Variants in MACROH2A1 observed in about 807,000 individuals in gnomAD.
The protein encoded by MACROH2A1 is macroH2A.1 histone, also known as core histone macro-H2A.1.
Under a neutral mutation model 31.6 loss-of-function variants are expected in MACROH2A1, and 2 were observed. The observed-to-expected ratio is 0.06, with a 90% CI of 0.03 to 0.20. The LOEUF is 0.20. Ranked by LOEUF, MACROH2A1 falls within the 10% of genes least tolerant of loss-of-function variation. MACROH2A1 has a pLI of 1.00. For synonymous variants in MACROH2A1, 169 were observed against 189.6 expected, an observed-to-expected ratio of 0.89 and a Z score of 0.89; for missense variants, 230 against 474.0, an observed-to-expected ratio of 0.49 and a Z score of 4.78.
At position 135,346,068 on chromosome 5, in the gene MACROH2A1, A is replaced by G. The variant is rs944014626; in HGVS notation, c.689-11T>C. On this transcript the variant is annotated splice_polypyrimidine_tract_variant and intron_variant, in intron 6 of 8. Coordinates refer to ENST00000511689, the MANE Select transcript of MACROH2A1 (RefSeq NM_138610.3). Reference sequence around the variant, plus strand: ...TCTCCAGCGTGTTTCCTAGACAAGGACAGGGTGGGGTCAGGTTGCCATTCT... The same window carrying G: ...TCTCCAGCGTGTTTCCTAGACAAGGGCAGGGTGGGGTCAGGTTGCCATTCT... The G allele has an allele frequency of 3.1e-6, 5 of 1,597,092 alleles. No individual in the cohort carries two copies. In the African/African-American group the frequency reaches 6.7e-5, roughly 21 times the overall value.
At chr5:135,379,541 A>C (rs542545580) in intron 2 of MACROH2A1, among the ~76,000 whole-genome samples, 7 of 152,102 alleles carry the variant, frequency 4.6e-5, no homozygotes, top group Non-Finnish European at 1.0e-4. Flanking sequence ...TTCTTGCTAG[A>C]GTTTATTTAT....
chr5:135,350,805 C>T, intron 6 of MACROH2A1: 1 of 1,535,668 alleles, frequency 6.5e-7, no homozygotes, highest in Non-Finnish European at 9.0e-7. Flanking sequence ...CACTCGGCAG[C>T]ACCCGGCTAG....
At chr5:135,368,000 C>A (rs1328920549) in intron 4 of MACROH2A1, among the ~76,000 whole-genome samples, 1 of 152,188 alleles carries the variant, frequency 6.6e-6, no homozygotes, top group East Asian at 1.9e-4. Flanking sequence ...AAGCCTCTTC[C>A]AGGACTTGTG....
Position 135,392,202 on chromosome 5 carries a change from A to G in MACROH2A1, c.-33-3076T>C, listed in dbSNP as rs200009312. 3.7e-4 allele frequency among the ~76,000 whole-genome samples: 57 copies of G among 152,258 alleles called. No individual in the cohort carries two copies. In the East Asian group the frequency reaches 6.8e-3, roughly 18 times the overall value. ...ACAGCCTGGAATTGCTCACTGCTCC[A>G]TGTTCCCATAGTATATATATCCCAG... On this transcript the variant is annotated intron_variant, in intron 1 of 8. Transcript: ENST00000511689.
At chr5:135,356,350 G>T (rs151051305) in intron 5 of MACROH2A1, 1 of 152,248 alleles carries the variant, frequency 6.6e-6, no homozygotes, top group Admixed American at 6.5e-5. Flanking sequence ...TCCCTGTGGT[G>T]AGGATGTCCG....
chr5:135,350,400 C>T (rs1761376987), intron 6 of MACROH2A1, among the ~76,000 whole-genome samples: 1 of 151,828 alleles, frequency 6.6e-6, no homozygotes, highest in South Asian at 2.1e-4. Context: ...TGGCGGGGGT[C>T]AGGGGAGTGG....
intron 1 of MACROH2A1, among the ~76,000 whole-genome samples, chr5:135,393,044 T>C (rs1231544914): frequency 6.6e-6 from 1 of 152,190 alleles, no homozygotes; most frequent in Non-Finnish European, 1.5e-5. Context: ...GCTGAAGACA[T>C]TGCTAGCTGC....
intron 6 of MACROH2A1, among the ~76,000 whole-genome samples, chr5:135,350,527 T>C (rs1241920470): frequency 1.3e-5 from 2 of 152,162 alleles, no homozygotes; most frequent in Non-Finnish European, 2.9e-5. Context: ...AAATCATCTG[T>C]GAACCCAGTC....
chr5:135,391,457 A>G (rs549747480), intron 1 of MACROH2A1, among the ~76,000 whole-genome samples: 1 of 152,334 alleles, frequency 6.6e-6, no homozygotes, highest in South Asian at 2.1e-4. Context: ...GTTAGCACTC[A>G]GAGACCTGGC....
At chr5:135,347,472 C>G (rs1760996517) in intron 6 of MACROH2A1, 1 of 152,176 alleles carries the variant, frequency 6.6e-6, no homozygotes, top group African/African-American at 2.4e-5. Context: ...TTTTGTGTTA[C>G]CCTTCATGAT....
intron 1 of MACROH2A1, among the ~76,000 whole-genome samples, chr5:135,396,655 A>C (rs996810703): frequency 3.3e-5 from 5 of 151,766 alleles, no homozygotes; most frequent in African/African-American, 4.8e-5. Flanking sequence ...AGGTTACTGT[A>C]CCTGCTGGGG....
chr5:135,381,864 C>T (rs994369071), intron 2 of MACROH2A1, among the ~76,000 whole-genome samples: 2 of 152,130 alleles, frequency 1.3e-5, no homozygotes, highest in Non-Finnish European at 2.9e-5. Context: ...AAAATACTAA[C>T]GTATGCTTAA....
intron 6 of MACROH2A1, among the ~76,000 whole-genome samples, chr5:135,348,979 T>C (rs1272674707): frequency 6.6e-6 from 1 of 152,132 alleles, no homozygotes; most frequent in Non-Finnish European, 1.5e-5. Flanking sequence ...CCCATTCCAG[T>C]CACAATTCAG....
At chr5:135,383,211 T>G (rs941126089) in intron 2 of MACROH2A1, among the ~76,000 whole-genome samples, 1 of 152,254 alleles carries the variant, frequency 6.6e-6, no homozygotes, top group Non-Finnish European at 1.5e-5. Flanking sequence ...CCAGGGAGAC[T>G]GAAGGAAGCT....
chr5:135,396,975 A>T (rs1290164181), intron 1 of MACROH2A1, among the ~76,000 whole-genome samples: 1 of 152,100 alleles, frequency 6.6e-6, no homozygotes, highest in Non-Finnish European at 1.5e-5. Flanking sequence ...ACCCACAGAG[A>T]TCTGGGCCCC....
chr5:135,399,028 G>T lies in MACROH2A1; in HGVS notation c.-34+34C>A. ...CGGCCGGACCCGAGCGGCGGGGACA[G>T]GGAGTGCGGCAAGGGGGCCCGCGCG... is the stretch of plus-strand genomic sequence containing the variant. On this transcript the variant is annotated intron_variant, in intron 1 of 8. Coordinates refer to ENST00000511689, the MANE Select transcript of MACROH2A1 (RefSeq NM_138610.3). The surrounding 1 kb of genome is among the most constrained non-coding windows in gnomAD (Gnocchi z 4.5). The T allele has an allele frequency of 6.6e-6, 1 of 150,574 alleles. No individual in the cohort carries two copies. Among genetic ancestry groups the T allele is most frequent in the South Asian group, 1.9e-4 (1 of 5,366 alleles). 9.3% of individuals were successfully genotyped at this position (150,574 alleles called of 1,614,324 possible).
chr5:135,388,154 C>T (rs1006975719), intron 2 of MACROH2A1, among the ~76,000 whole-genome samples: 1 of 151,336 alleles, frequency 6.6e-6, no homozygotes, highest in Admixed American at 6.6e-5. Flanking sequence ...TATTTTATAA[C>T]CACCAAGAAA....
intron 2 of MACROH2A1, among the ~76,000 whole-genome samples, chr5:135,375,506 G>A (rs992701514): frequency 1.3e-5 from 2 of 152,166 alleles, no homozygotes; most frequent in African/African-American, 4.8e-5. Flanking sequence ...CATATCTGTT[G>A]TATTGAAGCA....
At chr5:135,394,473 C>T (rs763499119) in intron 1 of MACROH2A1, among the ~76,000 whole-genome samples, 1 of 152,180 alleles carries the variant, frequency 6.6e-6, no homozygotes, top group Non-Finnish European at 1.5e-5. Context: ...AGAGATCCAC[C>T]GGGATGAATT....
Sources: allele counts gnomAD v4.1 joint callset (sites outside exome capture counted in the v4.1 genomes callset), GRCh38; gene constraint gnomAD v4.1.1; non-coding constraint Gnocchi (gnomAD v3.1); transcripts MANE v1.5; gene names NCBI Gene and HGNC (gene_info 2026-07-23, HGNC 2026-07-21).